KCNMB2: variants seen among roughly 807,000 people sequenced by gnomAD.
KCNMB2 encodes the protein calcium-activated potassium channel subunit beta-2.
In KCNMB2, 9 loss-of-function variants were observed where a neutral mutation model predicts 24.5. The observed-to-expected ratio is 0.37, with a 90% confidence interval of 0.22 to 0.64. KCNMB2 has a LOEUF of 0.64. KCNMB2 is among the 30% of genes least tolerant of loss of function. The pLI, the probability that KCNMB2 is intolerant of heterozygous loss-of-function variation, is 0.63. For missense variants in KCNMB2, 226 were observed against 284.3 expected (o/e 0.79, Z 1.47); for synonymous variants, 109 against 104.4 (o/e 1.04, Z -0.27).
intron 1 of KCNMB2, among the ~76,000 whole-genome samples, chr3:178,738,858 C>T (rs1371081394): frequency 3.9e-5 from 6 of 152,104 alleles, no homozygotes; most frequent in South Asian, 2.1e-4. Context: ...GTCTGTTCTC[C>T]GTGCTCACCA....
intron 2 of KCNMB2, among the ~76,000 whole-genome samples, 183 bp downstream of exon 2, chr3:178,807,648 G>A (rs933689965): frequency 2.6e-5 from 4 of 152,078 alleles, no homozygotes; most frequent in Non-Finnish European, 4.4e-5. Flanking sequence ...TTACATGTTC[G>A]CTTTCAGCAC....
chr3:178,681,127 A>G (rs1036151313), intron 1 of KCNMB2, among the ~76,000 whole-genome samples: 3 of 152,232 alleles, frequency 2.0e-5, no homozygotes, highest in African/African-American at 7.2e-5. Context: ...CAGATACTCC[A>G]GACTCAGAGA....
At chr3:178,717,231 C>G (rs528760798) in intron 1 of KCNMB2, among the ~76,000 whole-genome samples, 314 of 152,164 alleles carry the variant, frequency 2.1e-3, no homozygotes, top group Non-Finnish European at 3.7e-3. Flanking sequence ...AACTGGCCAC[C>G]TGTTTCCAAA....
chr3:178,819,210 T>C (rs1174400285), intron 2 of KCNMB2, among the ~76,000 whole-genome samples: 1 of 152,220 alleles, frequency 6.6e-6, no homozygotes, highest in Non-Finnish European at 1.5e-5. Context: ...ATGGCCAATG[T>C]GCCTGAAGCC....
intron 1 of KCNMB2, among the ~76,000 whole-genome samples, chr3:178,539,756 G>T (rs1715552872): frequency 6.6e-6 from 1 of 151,832 alleles, no homozygotes; most frequent in Non-Finnish European, 1.5e-5. Flanking sequence ...TGTGTGTTGA[G>T]TGTGCATGTG....
chr3:178,558,826 T>C (rs1017818007), intron 1 of KCNMB2: 1 of 152,246 alleles, frequency 6.6e-6, no homozygotes, highest in African/African-American at 2.4e-5. Flanking sequence ...TTGGTATAAA[T>C]GCTGCTGGGC....
At chr3:178,581,393 A>C (rs1367312225) in intron 1 of KCNMB2, among the ~76,000 whole-genome samples, 1 of 152,242 alleles carries the variant, frequency 6.6e-6, no homozygotes, top group Non-Finnish European at 1.5e-5. Flanking sequence ...CTTAAACATA[A>C]GACCTAAAAC....
At chr3:178,558,994 A>T (rs1375509084) in intron 1 of KCNMB2, 3 of 152,212 alleles carry the variant, frequency 2.0e-5, no homozygotes, top group Non-Finnish European at 1.5e-5. Context: ...GGTAAGCTGG[A>T]CTCACCCAAA....
chr3:178,678,620 C>T (rs1721153949), intron 1 of KCNMB2, among the ~76,000 whole-genome samples: 1 of 152,206 alleles, frequency 6.6e-6, no homozygotes, highest in African/African-American at 2.4e-5. Context: ...ACCCAGAACA[C>T]TGAGAACCAC....
intron 1 of KCNMB2, among the ~76,000 whole-genome samples, chr3:178,778,429 T>C (rs1057124591): frequency 8.3e-5 from 11 of 132,140 alleles, no homozygotes; most frequent in African/African-American, 2.3e-4. Context: ...ATGTCAAATA[T>C]ATTATGCCTG....
At chr3:178,833,847 A>G (rs1168627681) in intron 4 of KCNMB2, among the ~76,000 whole-genome samples, 1 of 152,158 alleles carries the variant, frequency 6.6e-6, no homozygotes, top group Admixed American at 6.5e-5. Flanking sequence ...ATAAACTGTC[A>G]TGCTCTCCTG....
intron 1 of KCNMB2, among the ~76,000 whole-genome samples, chr3:178,682,292 C>A (rs1721297071): frequency 6.6e-6 from 1 of 152,120 alleles, no homozygotes; most frequent in Non-Finnish European, 1.5e-5. Flanking sequence ...GATAGTGGAC[C>A]AGTGTGCCAG....
At chr3:178,736,064 G>A (rs1278379955) in intron 1 of KCNMB2, among the ~76,000 whole-genome samples, 1 of 152,126 alleles carries the variant, frequency 6.6e-6, no homozygotes, top group Non-Finnish European at 1.5e-5. Flanking sequence ...GCTCAGAGGA[G>A]ACACAAGGAT....
intron 1 of KCNMB2, among the ~76,000 whole-genome samples, chr3:178,701,446 T>G (rs1722091651): frequency 6.6e-6 from 1 of 152,242 alleles, no homozygotes; most frequent in Admixed American, 6.5e-5. Flanking sequence ...GAGGGCTCTT[T>G]TTTGGTTTCA....
At chr3:178,593,730 T>G (rs903502346) in intron 1 of KCNMB2, among the ~76,000 whole-genome samples, 2 of 151,642 alleles carry the variant, frequency 1.3e-5, no homozygotes, top group South Asian at 2.1e-4. Context: ...CTTTTGTGTC[T>G]CTTTCCCGTG....
intron 1 of KCNMB2, among the ~76,000 whole-genome samples, chr3:178,751,605 A>G (rs1050297932): frequency 2.2e-5 from 3 of 139,484 alleles, no homozygotes; most frequent in Non-Finnish European, 3.1e-5. Flanking sequence ...AAAAAAAAAA[A>G]GCAGTTACAA....
chr3:178,790,396 G>C (rs1713274820), intron 1 of KCNMB2, among the ~76,000 whole-genome samples: 1 of 152,074 alleles, frequency 6.6e-6, no homozygotes, highest in Non-Finnish European at 1.5e-5. Flanking sequence ...AAGACTAAAG[G>C]GCACTTTGTC....
intron 1 of KCNMB2, among the ~76,000 whole-genome samples, chr3:178,789,216 C>A (rs371051078): frequency 6.6e-6 from 1 of 152,200 alleles, no homozygotes; most frequent in African/African-American, 2.4e-5. Context: ...GATGTCAATG[C>A]GTCATGATTA....
At chr3:178,690,072 G>A (rs1443146912) in intron 1 of KCNMB2, among the ~76,000 whole-genome samples, 3 of 152,100 alleles carry the variant, frequency 2.0e-5, no homozygotes, top group African/African-American at 7.2e-5. Context: ...TTAGAAATCA[G>A]GAAATGTGTT....
Sources: gnomAD v4.1 joint callset for allele counts (sites outside exome capture counted in the v4.1 genomes callset) on GRCh38, gnomAD v4.1.1 for gene constraint, MANE v1.5 for transcripts, NCBI Gene and HGNC (gene_info 2026-07-23, HGNC 2026-07-21) for gene names.